ADAM15: variants seen among roughly 807,000 people sequenced by gnomAD.
The protein encoded by ADAM15 is ADAM metallopeptidase domain 15.
Under a neutral mutation model 113.8 loss-of-function variants are expected in ADAM15, and 77 were observed. The ratio of observed to expected loss-of-function variants is 0.68; its 90% CI spans 0.56 to 0.82. ADAM15 has a LOEUF of 0.82. ADAM15 is among the 40% of genes least tolerant of loss of function. The pLI, the probability that ADAM15 is intolerant of heterozygous loss-of-function variation, is 0.00. For missense variants in ADAM15, 963 were observed against 1,120.1 expected, an observed-to-expected ratio of 0.86 and a Z score of 2.00; for synonymous variants, 388 against 454.1, an observed-to-expected ratio of 0.85 and a Z score of 1.85.
chr1:155,053,906 A>G lies in ADAM15; in HGVS notation c.264-4A>G. ...GCACTGCCTTCTTTTTCTTCACTCCACAGGGAGTTGGTCCCAGGCCGCCCA... is the reference window on the plus strand; with the variant it reads ...GCACTGCCTTCTTTTTCTTCACTCCGCAGGGAGTTGGTCCCAGGCCGCCCA... On this transcript the variant is annotated splice_region_variant and splice_polypyrimidine_tract_variant and intron_variant, in intron 3 of 22. Transcript: ENST00000356955. 6.2e-7 allele frequency: 1 copy of G among 1,613,968 alleles called. No homozygotes were observed. Among genetic ancestry groups the G allele is most frequent in the Non-Finnish European group, 8.5e-7 (1 of 1,179,914 alleles).
Position 155,055,916 on chromosome 1 carries a change from C to T in ADAM15, c.676-16C>T. The T allele has an allele frequency of 6.2e-7, 1 of 1,614,200 alleles. No homozygotes were observed. The highest frequency in any genetic ancestry group is 8.5e-7 in the Non-Finnish European group (1 of 1,180,034). The stretch of plus-strand genomic sequence containing the variant: ...ACTGCCCTGCCGCCTTTCATGTCAC[C>T]TCTCTTGGCCTACAGGCCCAGAAAT... On this transcript the variant is annotated splice_polypyrimidine_tract_variant and intron_variant, in intron 7 of 22. Coordinates refer to ENST00000356955, the MANE Select transcript of ADAM15 (RefSeq NM_207197.3).
At position 155,061,096 on chromosome 1, in the gene ADAM15, A is replaced by G. The variant is rs11264305; in HGVS notation, c.2277+264A>G. On this transcript the variant is annotated intron_variant, in intron 19 of 22. Transcript: ENST00000356955. ...GCCAAGAGGTGGCTTTGAGAGGTGG[A>G]TCTATCCATGCCCCCAGCAGTGACC... is the stretch of plus-strand genomic sequence containing the variant. 425,368 of 578,728 alleles carry G rather than the reference A, an allele frequency of 0.74. 158,635 individuals are homozygous for G. Among genetic ancestry groups the G allele is most frequent in the East Asian group, 0.98 (34,739 of 35,616 alleles). 35.8% of individuals were successfully genotyped at this position (578,728 alleles called of 1,614,324 possible). A position where few individuals can be genotyped will look rare whatever the true frequency, so the allele number is the denominator to read the frequency against.
chr1:155,057,182 C>T lies in ADAM15; in HGVS notation c.1149-6C>T. ...CAGCCCCAACCTTCCTTGCCACCCTCCCCAGCTTCCTACCAGGCCTGAACT... is the reference window on the plus strand; with the variant it reads ...CAGCCCCAACCTTCCTTGCCACCCTTCCCAGCTTCCTACCAGGCCTGAACT... On this transcript the variant is annotated splice_polypyrimidine_tract_variant and splice_region_variant and intron_variant, in intron 11 of 22. Transcript: ENST00000356955. This position sits in a 1 kb window ranked among gnomAD's most constrained non-coding sequence, Gnocchi z 5.0. The T allele has an allele frequency of 6.2e-7, 1 of 1,608,996 alleles. No homozygotes were observed. The highest frequency in any genetic ancestry group is 8.5e-7 in the Non-Finnish European group (1 of 1,176,022).
rs1304883853 is a variant in ADAM15 at position 155,060,308 on chromosome 1, A to T, written c.2172A>T (p.Arg724=). 6.2e-7 allele frequency: 1 copy of T among 1,613,702 alleles called. No individual in the cohort carries two copies. ...GGTACCGTGCCCGCCTGCACCAGCGACTCTGCCAGCTCAAGGGACCCACCT... is the reference window on the plus strand; with the variant it reads ...GGTACCGTGCCCGCCTGCACCAGCGTCTCTGCCAGCTCAAGGGACCCACCT... ...SYWYRARLHQ[R]LCQLKGPTCQ... The change falls in exon 18 of 23, where the codon CGA becomes CGT. Residue 724 remains arginine (R), a synonymous_variant. Transcript: ENST00000356955.
chr1:155,051,552 C>A, intron 1 of ADAM15, 87 bp downstream of exon 1: 2 of 1,281,330 alleles, frequency 1.6e-6, no homozygotes, highest in Non-Finnish European at 1.0e-6. Flanking sequence ...TGGGGCCGGA[C>A]GGAGACCCTG....
At position 155,060,380 on chromosome 1, in the gene ADAM15, C is replaced by G. The variant is rs573418037; in HGVS notation, c.2207+37C>G. Reference sequence around the variant, plus strand: ...ACCTCCCTGCTACCACTTCCTTCAACTGGGGACAGTGCTGAAGGCTGCCTC... The same window carrying G: ...ACCTCCCTGCTACCACTTCCTTCAAGTGGGGACAGTGCTGAAGGCTGCCTC... On this transcript the variant is annotated intron_variant, in intron 18 of 22. Coordinates refer to ENST00000356955, the MANE Select transcript of ADAM15 (RefSeq NM_207197.3). 62 of 1,610,850 alleles carry G rather than the reference C, an allele frequency of 3.8e-5. No individual in the cohort carries two copies. The South Asian group carries it at 6.5e-4, about 17-fold the overall frequency.
At chr1:155,052,412 A>T in intron 1 of ADAM15, 1 of 1,290,016 alleles carries the variant, frequency 7.8e-7, no homozygotes, top group Non-Finnish European at 1.1e-6. Context: ...CCGGAAGGGG[A>T]CAAGGAGGGC....
chr1:155,059,768 C>A, intron 16 of ADAM15, 134 bp from the exon 17 acceptor site: 1 of 901,640 alleles, frequency 1.1e-6, no homozygotes, highest in Non-Finnish European at 1.8e-6. Flanking sequence ...GGATAAAGAC[C>A]CTCCCTCCGG....
chr1:155,052,601 G>A (rs772171440), intron 1 of ADAM15, 70 bp from the exon 2 acceptor site: 26 of 1,553,578 alleles, frequency 1.7e-5, no homozygotes, highest in Non-Finnish European at 1.9e-5. Flanking sequence ...GTGGATCTGA[G>A]GGCACCTGTC....
intron 1 of ADAM15, chr1:155,052,328 C>T: frequency 3.3e-6 from 2 of 610,000 alleles, no homozygotes; most frequent in Middle Eastern, 8.9e-4. Context: ...CGAGAGGGGG[C>T]GTTCCTGAAG....
Position 155,057,848 on chromosome 1 carries a change from C to T in ADAM15, c.1417-3C>T. 4.3e-6 allele frequency: 7 copies of T among 1,613,176 alleles called. No homozygotes were observed. Among genetic ancestry groups the T allele is most frequent in the Non-Finnish European group, 5.9e-6 (7 of 1,179,450 alleles). The stretch of plus-strand genomic sequence containing the variant: ...CACACTGATGCTCATCCACCCTCCA[C>T]AGCTGCGCCCGTCTGGCTGGCAGTG... On this transcript the variant is annotated splice_region_variant and splice_polypyrimidine_tract_variant and intron_variant, in intron 13 of 22. Transcript: ENST00000356955. The surrounding 1 kb of genome is among the most constrained non-coding windows in gnomAD (Gnocchi z 5.0).
rs192471092 is a variant in ADAM15, at chr1:155,056,146, G to A, written c.811G>A (p.Val271Met). 4.3e-6 allele frequency: 7 copies of A among 1,614,044 alleles called. No individual in the cohort carries two copies. The African/African-American group carries it at 8.0e-5, about 18-fold the overall frequency. Reference protein sequence around the residue: ...GLEAWTQRDLVEISPNPAVTL... With the variant: ...GLEAWTQRDLMEISPNPAVTL... ...GGAGGCCTGGACCCAGCGTGACCTG[G>A]TGGAGATCAGCCCAAACCCAGCTGT... is the stretch of plus-strand genomic sequence containing the variant. The change falls in exon 9 of 23, where the codon GTG becomes ATG. Residue 271 changes from valine (V) to methionine (M), a missense_variant. Transcript: ENST00000356955. The surrounding 1 kb of genome is among the most constrained non-coding windows in gnomAD (Gnocchi z 4.0).
At position 155,051,382 on chromosome 1, in the gene ADAM15, C is replaced by A; in HGVS notation, c.-5C>A. 1 of 1,509,996 alleles carries A rather than the reference C, an allele frequency of 6.6e-7. No individual in the cohort carries two copies. The highest frequency in any genetic ancestry group is 2.8e-5 in the East Asian group (1 of 35,572). The allele number at this position is 1,509,996 out of a possible 1,614,324, so 93.5% of individuals were successfully genotyped here. A position where few individuals can be genotyped will look rare whatever the true frequency, so the allele number is the denominator to read the frequency against. The stretch of plus-strand genomic sequence containing the variant: ...TGCCCTCGCCCGGCCCGGAGCGCCG[C>A]TGCCATGCGGCTGGCGCTGCTCTGG... On this transcript the variant is annotated 5_prime_UTR_variant, in exon 1 of 23. The change creates a new upstream start codon in the 5' untranslated region. Transcript: ENST00000356955.
At chr1:155,059,542 C>T (rs1662268882) in intron 16 of ADAM15, among the ~76,000 whole-genome samples, 1 of 152,120 alleles carries the variant, frequency 6.6e-6, no homozygotes, top group Non-Finnish European at 1.5e-5. Flanking sequence ...GGCAGGAGGA[C>T]TGCTTGAGCC....
chr1:155,051,654 G>A (rs1453800728), intron 1 of ADAM15, 189 bp downstream of exon 1: 1 of 496,472 alleles, frequency 2.0e-6, no homozygotes, highest in Non-Finnish European at 3.4e-6. Flanking sequence ...AGAAGGAGGG[G>A]GGATGCCGGC....
chr1:155,058,035 T>C lies in ADAM15; in HGVS notation c.1601T>C (p.Leu534Pro), dbSNP rs770776862. Residue 534 changes from leucine to proline, a missense_variant, in exon 14 of 23, where the codon CTT (leucine) becomes CCT (proline). Leu to Pro is a moderately conservative substitution (Grantham distance 98). Coordinates refer to ENST00000356955, the MANE Select transcript of ADAM15 (RefSeq NM_207197.3). The surrounding 1 kb of genome is among the most constrained non-coding windows in gnomAD (Gnocchi z 4.3). ...TCCTATGCCCAGCAGTGCCAGTCACTTTGGGGACCTGGAGCCCAGCCCGCT... is the reference window on the plus strand; with the variant it reads ...TCCTATGCCCAGCAGTGCCAGTCACCTTGGGGACCTGGAGCCCAGCCCGCT... ...CASYAQQCQS[L>P]WGPGAQPAAP... The C allele has an allele frequency of 6.2e-7, 1 of 1,614,124 alleles. No homozygotes were observed. The highest frequency in any genetic ancestry group is 8.5e-7 in the Non-Finnish European group (1 of 1,180,032).
Position 155,054,330 on chromosome 1 carries a change from A to T in ADAM15, c.436A>T (p.Thr146Ser). Reference protein sequence around the residue: ...CSGLRGLVVLTPERSYTLEQG... With the variant: ...CSGLRGLVVLSPERSYTLEQG... Reference sequence around the variant, plus strand: ...TTTTCTTAGAGGCTTGGTGGTCCTGACCCCAGAGAGAAGCTATACCCTGGA... The same window carrying T: ...TTTTCTTAGAGGCTTGGTGGTCCTGTCCCCAGAGAGAAGCTATACCCTGGA... Residue 146 changes from threonine to serine, a missense_variant, in exon 6 of 23, where the codon ACC becomes TCC. Physicochemically the swap from Thr to Ser is moderately conservative, Grantham distance 58. Coordinates refer to ENST00000356955, the MANE Select transcript of ADAM15 (RefSeq NM_207197.3). 6.3e-7 allele frequency: 1 copy of T among 1,595,890 alleles called. No homozygotes were observed. The highest frequency in any genetic ancestry group is 8.5e-7 in the Non-Finnish European group (1 of 1,172,418).
At chr1:155,052,476 G>T in intron 1 of ADAM15, 195 bp from the exon 2 acceptor site, 4 of 1,530,594 alleles carry the variant, frequency 2.6e-6, no homozygotes, top group Non-Finnish European at 3.5e-6. Context: ...TGGGTTGGTG[G>T]GTGGAAAGCC....
chr1:155,059,060 T>G (rs1662182992), intron 16 of ADAM15, among the ~76,000 whole-genome samples: 1 of 152,056 alleles, frequency 6.6e-6, no homozygotes, highest in Non-Finnish European at 1.5e-5. Context: ...ATCACAGTTT[T>G]TTTGTTTGTT....
Sources: gnomAD v4.1 joint callset for allele counts (sites outside exome capture counted in the v4.1 genomes callset) on GRCh38, gnomAD v4.1.1 for gene constraint, Gnocchi (gnomAD v3.1) non-coding constraint, MANE v1.5 for transcripts, NCBI Gene and HGNC (gene_info 2026-07-23, HGNC 2026-07-21) for gene names.